SMIM14: variants seen among roughly 807,000 people sequenced by gnomAD.
SMIM14 encodes the protein chromosome 4 open reading frame 34.
SMIM14 carries 5 observed loss-of-function variants against 12.6 expected under a neutral mutation model. That is an observed-to-expected ratio of 0.40 (90% CI 0.21 to 0.83). The LOEUF (loss-of-function observed/expected upper bound fraction) is 0.83. Ranked by LOEUF, SMIM14 falls within the 40% of genes least tolerant of loss-of-function variation. The probability of loss-of-function intolerance (pLI) is 0.37; values close to 1 mark genes in which losing one functional copy is unlikely to be tolerated. For synonymous variants in SMIM14, 30 were observed against 40.1 expected (o/e 0.75, Z 0.95); for missense variants, 86 against 119.1 (o/e 0.72, Z 1.29).
chr4:39,560,308 C>T (rs1349582554), intron 3 of SMIM14, among the ~76,000 whole-genome samples: 7 of 140,978 alleles, frequency 5.0e-5, no homozygotes, highest in Middle Eastern at 3.6e-3. Context: ...AGTGCAGTGG[C>T]GCGATCTCCG....
chr4:39,562,678 T>G (rs1444399700), intron 3 of SMIM14, among the ~76,000 whole-genome samples: 1 of 151,912 alleles, frequency 6.6e-6, no homozygotes, highest in Non-Finnish European at 1.5e-5. Flanking sequence ...TTTAAAACTT[T>G]TTTTATTTTT....
intron 2 of SMIM14, among the ~76,000 whole-genome samples, chr4:39,585,834 C>T (rs1308233890): frequency 6.6e-6 from 1 of 151,986 alleles, no homozygotes; most frequent in Non-Finnish European, 1.5e-5. Flanking sequence ...AAGGGATGGT[C>T]CACCCCCTTT....
chr4:39,614,185 C>CAAAAAAAAA, intron 1 of SMIM14, among the ~76,000 whole-genome samples: 1 of 102,286 alleles, frequency 9.8e-6, no homozygotes. Flanking sequence ...AACTCCATTA[C>CAAAAAAAAA]AAAAAAAAAA....
chr4:39,628,720 C>CTT (rs541461723), intron 1 of SMIM14, among the ~76,000 whole-genome samples: 31 of 135,266 alleles, frequency 2.3e-4, no homozygotes, highest in Non-Finnish European at 3.2e-4. Flanking sequence ...AAATGTTTTT[C>CTT]TTTTTTTTTT....
chr4:39,625,446 T>TC (rs1715659391), intron 1 of SMIM14, among the ~76,000 whole-genome samples: 1 of 151,592 alleles, frequency 6.6e-6, no homozygotes, highest in South Asian at 2.1e-4. Context: ...ATTACAATTT[T>TC]TTTTTTCTTT....
intron 1 of SMIM14, among the ~76,000 whole-genome samples, chr4:39,633,952 A>G (rs1716000650): frequency 6.6e-6 from 1 of 152,244 alleles, no homozygotes; most frequent in Non-Finnish European, 1.5e-5. Context: ...TATTGTTTTG[A>G]GACGGAGTCT....
intron 1 of SMIM14, among the ~76,000 whole-genome samples, chr4:39,632,489 A>G (rs958758308): frequency 2.0e-5 from 3 of 151,392 alleles, no homozygotes; most frequent in Admixed American, 6.6e-5. Context: ...AAAAAAAAAA[A>G]AAAAAAAAAA....
intron 3 of SMIM14, among the ~76,000 whole-genome samples, chr4:39,560,250 C>CTTTTTT (rs773257583): frequency 1.6e-4 from 23 of 140,746 alleles, no homozygotes; most frequent in South Asian, 4.6e-4. Flanking sequence ...CTTTTCTTTT[C>CTTTTTT]TTTTTTTTTT....
intron 2 of SMIM14, among the ~76,000 whole-genome samples, chr4:39,576,660 G>GTGTGCATATATATATATATATA (rs1339477098): frequency 1.4e-5 from 1 of 72,378 alleles, no homozygotes; most frequent in East Asian, 4.6e-4. Flanking sequence ...GTGTGTATGT[G>GTGTGCATATATATATATATATA]TATATATATA....
chr4:39,583,279 T>G (rs544346423), intron 2 of SMIM14, among the ~76,000 whole-genome samples: 4 of 152,048 alleles, frequency 2.6e-5, no homozygotes, highest in African/African-American at 9.7e-5. Flanking sequence ...TTTATTATTT[T>G]TAGAGACAAG....
chr4:39,633,995 A>G (rs927350419), intron 1 of SMIM14, among the ~76,000 whole-genome samples: 12 of 152,148 alleles, frequency 7.9e-5, no homozygotes, highest in Non-Finnish European at 1.6e-4. Context: ...GCAGTGGCAC[A>G]ATGGCTCACT....
At chr4:39,559,033 A>G (rs1370481756) in intron 3 of SMIM14, among the ~76,000 whole-genome samples, 1 of 152,196 alleles carries the variant, frequency 6.6e-6, no homozygotes, top group Non-Finnish European at 1.5e-5. Context: ...AGCATTTTGC[A>G]TTCAGCTGTA....
intron 2 of SMIM14, among the ~76,000 whole-genome samples, chr4:39,595,871 G>C (rs1459105918): frequency 6.6e-6 from 1 of 151,974 alleles, no homozygotes; most frequent in African/African-American, 2.4e-5. Flanking sequence ...TGCCTCCTTT[G>C]GGAAGAGTGC....
chr4:39,623,307 A>C (rs939850787), intron 1 of SMIM14, among the ~76,000 whole-genome samples: 7 of 152,158 alleles, frequency 4.6e-5, no homozygotes, highest in Non-Finnish European at 2.9e-5. Flanking sequence ...TAGTGCTAAA[A>C]ATTTCAAATT....
At chr4:39,579,810 C>T (rs993530358) in intron 2 of SMIM14, among the ~76,000 whole-genome samples, 2 of 148,778 alleles carry the variant, frequency 1.3e-5, no homozygotes, top group Non-Finnish European at 3.0e-5. Context: ...TGCCACTGTA[C>T]TCCAGCCTGG....
chr4:39,579,622 C>T (rs911413142), intron 2 of SMIM14, among the ~76,000 whole-genome samples: 1 of 151,700 alleles, frequency 6.6e-6, no homozygotes, highest in Non-Finnish European at 1.5e-5. Context: ...GTGGGCAGAT[C>T]ACTTGAGGTC....
intron 2 of SMIM14, among the ~76,000 whole-genome samples, chr4:39,573,084 ATTATTATTATTATTATT>A (rs1372994174): frequency 5.4e-5 from 8 of 149,484 alleles, no homozygotes; most frequent in South Asian, 2.1e-4. Flanking sequence ...GGTTTTTATT[ATTATTATTATTATTATT>A]TTATTATTAT....
chr4:39,602,019 G>A (rs1204600622), intron 2 of SMIM14, among the ~76,000 whole-genome samples: 2 of 151,384 alleles, frequency 1.3e-5, no homozygotes, highest in Non-Finnish European at 2.9e-5. Flanking sequence ...GGAGGGGGAG[G>A]TAGGCAGATA....
At chr4:39,623,717 C>T (rs6531729) in intron 1 of SMIM14, among the ~76,000 whole-genome samples, 87,404 of 151,856 alleles carry the variant, frequency 0.58, 25,718 homozygotes, top group East Asian at 0.79. Context: ...AAAAAATTAG[C>T]CGGGTGTGGT....
Sources: allele counts gnomAD v4.1 joint callset (sites outside exome capture counted in the v4.1 genomes callset), GRCh38; gene constraint gnomAD v4.1.1; transcripts MANE v1.5; gene names NCBI Gene and HGNC (gene_info 2026-07-23, HGNC 2026-07-21).